The following PDCD2 variants were observed in gnomAD, a reference collection of about 807,000 sequenced individuals.
PDCD2 encodes uS5 assembly chaperone PDCD2.
A neutral mutation model predicts 38.1 loss-of-function variants in PDCD2; 38 were observed. The ratio of observed to expected loss-of-function variants is 1.00; its 90% CI spans 0.77 to 1.31. PDCD2 has a LOEUF of 1.31. Ranked by LOEUF, PDCD2 falls within the 50% of genes most tolerant of loss-of-function variation. PDCD2 has a pLI of 0.00. For synonymous variants in PDCD2, 205 were observed against 168.9 expected (o/e 1.21, Z -1.66); for missense variants, 473 against 435.7 (o/e 1.09, Z -0.76).
chr6:170,582,690 T>G (rs1779649056), intron 3 of PDCD2: 1 of 1,209,360 alleles, frequency 8.3e-7, no homozygotes, highest in Non-Finnish European at 1.0e-6. Flanking sequence ...ACTGGCCAGA[T>G]GAAAGAGAAA....
rs1250532675 is a variant in PDCD2 at position 170,576,146 on chromosome 6, T to C, written c.*1413A>G. 6.6e-6 allele frequency: 1 copy of C among 152,210 alleles called. No individual in the cohort carries two copies. The highest frequency in any genetic ancestry group is 1.5e-5 in the Non-Finnish European group (1 of 68,044). 9.4% of individuals were successfully genotyped at this position (152,210 alleles called of 1,614,324 possible). ...CATCCCAGGTTCGAAACTAGTATCC[T>C]CTAGCTCTTAAGTAGCTGATAACCT... On this transcript the variant is annotated 3_prime_UTR_variant, in exon 6 of 6. Coordinates refer to ENST00000541970, the MANE Select transcript of PDCD2 (RefSeq NM_002598.4).
intron 3 of PDCD2, among the ~76,000 whole-genome samples, chr6:170,580,788 C>T (rs946930947): frequency 1.3e-5 from 2 of 152,178 alleles, no homozygotes; most frequent in African/African-American, 4.8e-5. Context: ...CTGCTGTCCC[C>T]AACAGACCCG....
intron 2 of PDCD2, 122 bp from the exon 3 acceptor site, chr6:170,583,310 T>A: frequency 1.1e-6 from 1 of 904,432 alleles, no homozygotes; most frequent in Non-Finnish European, 1.7e-6. Context: ...GGTCATAAAT[T>A]AAATGCCTAT....
intron 5 of PDCD2, 24 bp downstream of exon 5, chr6:170,578,833 A>G: frequency 7.4e-7 from 1 of 1,356,274 alleles, no homozygotes; most frequent in Non-Finnish European, 1.1e-6. Flanking sequence ...TTACACACTA[A>G]ATGGTCCTTA....
At position 170,584,360 on chromosome 6, in the gene PDCD2, G is replaced by A; in HGVS notation, c.222C>T (p.Ala74=). The change falls in exon 1 of 6, where the codon GCC becomes GCT. Residue 74 remains alanine (A), a synonymous_variant. Coordinates refer to ENST00000541970, the MANE Select transcript of PDCD2 (RefSeq NM_002598.4). ...VYAPLPGRPD[A]FHRCIFLFCC... ...AGAAGAGGAAGATGCAGCGGTGGAA[G>A]GCGTCCGGGCGGCCAGGCAGCGGCG... 4 of 1,496,402 alleles carry A rather than the reference G, an allele frequency of 2.7e-6. No individual in the cohort carries two copies. The African/African-American group carries it at 4.3e-5, about 16-fold the overall frequency. The allele number at this position is 1,496,402 out of a possible 1,614,324, so 92.7% of individuals were successfully genotyped here. A position where few individuals can be genotyped will look rare whatever the true frequency, so the allele number is the denominator to read the frequency against.
chr6:170,579,780 T>A, intron 4 of PDCD2: 1 of 417,886 alleles, frequency 2.4e-6, no homozygotes, highest in Non-Finnish European at 4.3e-6. Context: ...ATAAACAGTA[T>A]AACCTTTAGT....
chr6:170,580,576 G>A (rs144625451), intron 3 of PDCD2, among the ~76,000 whole-genome samples: 157 of 152,242 alleles, frequency 1.0e-3, no homozygotes, highest in African/African-American at 3.5e-3. Context: ...TTAGCCAGAC[G>A]TGGTGGTAGG....
At chr6:170,583,922 G>A in intron 1 of PDCD2, 175 bp from the exon 2 acceptor site, 1 of 624,616 alleles carries the variant, frequency 1.6e-6, no homozygotes, top group South Asian at 2.0e-5. Flanking sequence ...ACGCAACTGA[G>A]TTGCCTCCTA....
At chr6:170,583,299 G>T in intron 2 of PDCD2, 111 bp from the exon 3 acceptor site, 1 of 932,660 alleles carries the variant, frequency 1.1e-6, no homozygotes, top group Non-Finnish European at 1.6e-6. Flanking sequence ...TTTAGATAAA[G>T]GGTCATAAAT....
chr6:170,583,974 A>T, intron 1 of PDCD2: 2 of 555,926 alleles, frequency 3.6e-6, no homozygotes, highest in South Asian at 4.9e-5. Flanking sequence ...CTGATCGTTA[A>T]GAACGACTGC....
intron 3 of PDCD2, chr6:170,581,974 T>C: frequency 1.5e-6 from 1 of 684,978 alleles, no homozygotes; most frequent in East Asian, 3.7e-5. Flanking sequence ...CACAGTCACA[T>C]TTACACTAAC....
intron 2 of PDCD2, 78 bp downstream of exon 2, chr6:170,583,427 C>G: frequency 1.3e-6 from 2 of 1,489,436 alleles, no homozygotes; most frequent in Non-Finnish European, 1.8e-6. Context: ...CTAATTTTAC[C>G]TTTAAAGTTG....
chr6:170,580,485 C>T (rs887262590), intron 3 of PDCD2, among the ~76,000 whole-genome samples: 11 of 152,270 alleles, frequency 7.2e-5, no homozygotes, highest in African/African-American at 2.4e-4. Flanking sequence ...GAGGCCGAGG[C>T]GGGCAGATCA....
chr6:170,579,312 G>T, intron 4 of PDCD2: 1 of 208,988 alleles, frequency 4.8e-6, no homozygotes, highest in Non-Finnish European at 9.4e-6. Context: ...CCCAGAGTCT[G>T]TGCCTACCTT....
rs1562367334 is a variant in PDCD2 at position 170,579,977 on chromosome 6, TGAG to T, written c.762+22_762+24del. ...AAAACATGGCCTGAAGAGAACACGA[TGAG>T]GAGCTATGAGCTCCACTTTACCTGT... On this transcript the variant is annotated intron_variant, in intron 4 of 5. Transcript: ENST00000541970. The T allele has an allele frequency of 6.3e-6, 7 of 1,115,608 alleles. No individual in the cohort carries two copies. In the South Asian group the frequency reaches 7.4e-5, roughly 12 times the overall value. The allele number at this position is 1,115,608 out of a possible 1,614,324, so 69.1% of individuals were successfully genotyped here. A position where few individuals can be genotyped will look rare whatever the true frequency, so the allele number is the denominator to read the frequency against.
Position 170,579,861 on chromosome 6 carries a change from CCT to C in PDCD2, c.762+139_762+140del, listed in dbSNP as rs1779545711. 5 of 602,058 alleles carry C rather than the reference CCT, an allele frequency of 8.3e-6. No homozygotes were observed. The East Asian group carries it at 1.4e-4, about 17-fold the overall frequency. The allele number at this position is 602,058 out of a possible 1,614,324, so 37.3% of individuals were successfully genotyped here. A position where few individuals can be genotyped will look rare whatever the true frequency, so the allele number is the denominator to read the frequency against. On this transcript the variant is annotated intron_variant, in intron 4 of 5. Coordinates refer to ENST00000541970, the MANE Select transcript of PDCD2 (RefSeq NM_002598.4). ...ACATGGCCCATCTGTGTGAGGAACT[CCT>C]CTAACAAGATAACAAAAGCCTGCTT...
rs966876881 is a variant in PDCD2, at chr6:170,584,529, G to A, written c.53C>T (p.Pro18Leu). 4.8e-5 allele frequency: 65 copies of A among 1,364,640 alleles called. No homozygotes were observed. In the African/African-American group the frequency reaches 8.5e-4, roughly 18 times the overall value. The allele number at this position is 1,364,640 out of a possible 1,614,324, so 84.5% of individuals were successfully genotyped here. Residue 18 changes from proline to leucine, a missense_variant, in exon 1 of 6, where the codon CCG (proline) becomes CTG (leucine). Pro to Leu is a moderately conservative substitution (Grantham distance 98, BLOSUM62 -3). Coordinates refer to ENST00000541970, the MANE Select transcript of PDCD2 (RefSeq NM_002598.4). ...CTGCTCGCTGCGCAGTCGCCACGCC[G>A]GCGCCGACTCGGCGAAGCCCAGCTC... is the stretch of plus-strand genomic sequence containing the variant. ...PVELGFAESA[P>L]AWRLRSEQFP...
At position 170,580,088 on chromosome 6, in the gene PDCD2, C is replaced by A. The variant is rs1439612570; in HGVS notation, c.676G>T (p.Glu226Ter). The change falls in exon 4 of 6, where the codon GAA (glutamate) becomes TAA (stop). Residue 226 changes from glutamate (E) to a stop codon, truncating the protein, a stop_gained. Transcript: ENST00000541970. LOFTEE classifies it high-confidence loss of function. ...TCATGTTTTGCCATGGAATCCAGTTCTTCCTCAAGTGCTTCACCTGAAAAA... is the reference window on the plus strand; with the variant it reads ...TCATGTTTTGCCATGGAATCCAGTTATTCCTCAAGTGCTTCACCTGAAAAA... ...IGSMGEALEE[E>*]LDSMAKHESR... 2 of 1,607,788 alleles carry A rather than the reference C, an allele frequency of 1.2e-6. No homozygotes were observed. The highest frequency in any genetic ancestry group is 2.2e-5 in the East Asian group (1 of 44,862).
At chr6:170,583,300 G>C in intron 2 of PDCD2, 112 bp from the exon 3 acceptor site, 1 of 926,466 alleles carries the variant, frequency 1.1e-6, no homozygotes, top group Non-Finnish European at 1.6e-6. Flanking sequence ...TTAGATAAAG[G>C]GTCATAAATT....
Sources: gnomAD v4.1 joint callset for allele counts (sites outside exome capture counted in the v4.1 genomes callset) on GRCh38, gnomAD v4.1.1 for gene constraint, MANE v1.5 for transcripts, NCBI Gene and HGNC (gene_info 2026-07-23, HGNC 2026-07-21) for gene names.